The following LRRC4C variants were observed in gnomAD, a reference collection of about 807,000 sequenced individuals.
LRRC4C encodes leucine rich repeat containing 4C.
Under a neutral mutation model 33.6 loss-of-function variants are expected in LRRC4C, and 5 were observed. The observed-to-expected ratio is 0.15, with a 90% CI of 0.08 to 0.31. LRRC4C has a LOEUF of 0.31. Ranked by LOEUF, LRRC4C falls within the 10% of genes least tolerant of loss-of-function variation. The pLI, the probability that LRRC4C is intolerant of heterozygous loss-of-function variation, is 1.00. For synonymous variants in LRRC4C, 329 were observed against 302.0 expected (o/e 1.09, Z -0.93); for missense variants, 560 against 796.7 (o/e 0.70, Z 3.58).
At position 41,025,903 on chromosome 11, in the gene LRRC4C, T is replaced by C. The variant is rs1263878333; in HGVS notation, c.-495-92180A>G. The stretch of plus-strand genomic sequence containing the variant: ...ATCTGTTTACAGCATGGTTTATTGA[T>C]ATTTTCATCCAATTGTTGATATCTT... On this transcript the variant is annotated intron_variant, in intron 1 of 6. Transcript: ENST00000528697. Among the ~76,000 whole-genome samples the C allele has an allele frequency of 2.0e-5, 3 of 151,850 alleles. No individual in the cohort carries two copies. The East Asian group carries it at 5.8e-4, about 30-fold the overall frequency.
rs564536763 is a variant in LRRC4C at position 40,974,039 on chromosome 11, T to A, written c.-495-40316A>T. Among the ~76,000 whole-genome samples, 6 of 152,294 alleles carry A rather than the reference T, an allele frequency of 3.9e-5. No homozygotes were observed. The South Asian group carries it at 1.2e-3, about 32-fold the overall frequency. On this transcript the variant is annotated intron_variant, in intron 1 of 6. Coordinates refer to ENST00000528697, the MANE Select transcript of LRRC4C (RefSeq NM_001258419.2). ...AATTTGAACACCTGGGGAAATGCTT[T>A]ATTATACAACTGAGCTGCTATAAAT...
chr11:40,823,822 A>C (rs1293971483), intron 2 of LRRC4C, among the ~76,000 whole-genome samples: 1 of 151,768 alleles, frequency 6.6e-6, no homozygotes, highest in Non-Finnish European at 1.5e-5. Context: ...TAGAAACTCC[A>C]CTCTTAAAAT....
chr11:41,284,280 A>G (rs1005776667), intron 1 of LRRC4C, among the ~76,000 whole-genome samples: 1 of 152,258 alleles, frequency 6.6e-6, no homozygotes, highest in Admixed American at 6.5e-5. Context: ...CTATGGAAAC[A>G]CTTCTGTGAA....
chr11:41,027,937 T>G (rs1856487640), intron 1 of LRRC4C, among the ~76,000 whole-genome samples: 1 of 151,680 alleles, frequency 6.6e-6, no homozygotes, highest in Non-Finnish European at 1.5e-5. Context: ...AATTAAAGTA[T>G]TAATTAAAAC....
At chr11:40,123,947 G>GAACA (rs1362204993) in intron 6 of LRRC4C, among the ~76,000 whole-genome samples, 2 of 151,994 alleles carry the variant, frequency 1.3e-5, no homozygotes, top group South Asian at 2.1e-4. Flanking sequence ...CATCTACAGT[G>GAACA]AACTCATTTT....
chr11:40,670,543 C>T (rs570656918), intron 2 of LRRC4C, among the ~76,000 whole-genome samples: 3 of 152,164 alleles, frequency 2.0e-5, no homozygotes, highest in African/African-American at 7.2e-5. Flanking sequence ...TTTCCCATTT[C>T]CTGAAGGATA....
At chr11:41,343,892 A>G (rs540862929) in intron 1 of LRRC4C, among the ~76,000 whole-genome samples, 13 of 152,344 alleles carry the variant, frequency 8.5e-5, no homozygotes, top group African/African-American at 2.6e-4. Context: ...CTCTCTAATT[A>G]GCATATCATA....
intron 1 of LRRC4C, among the ~76,000 whole-genome samples, chr11:41,162,338 T>G (rs553586790): frequency 1.6e-4 from 25 of 152,298 alleles, no homozygotes; most frequent in African/African-American, 5.8e-4. Flanking sequence ...ACTTCTGCCT[T>G]ATTTCCGATG....
intron 3 of LRRC4C, among the ~76,000 whole-genome samples, chr11:40,363,168 A>G (rs1389504310): frequency 6.6e-6 from 1 of 152,202 alleles, no homozygotes; most frequent in African/African-American, 2.4e-5. Flanking sequence ...AATGCCCATC[A>G]AGGATGGACT....
intron 1 of LRRC4C, among the ~76,000 whole-genome samples, chr11:41,138,440 C>T (rs931165929): frequency 1.4e-4 from 21 of 152,134 alleles, no homozygotes; most frequent in African/African-American, 4.1e-4. Context: ...GATTCAATGA[C>T]ACCATTGACA....
intron 2 of LRRC4C, among the ~76,000 whole-genome samples, chr11:40,873,892 T>C (rs1954763437): frequency 6.6e-6 from 1 of 152,204 alleles, no homozygotes; most frequent in South Asian, 2.1e-4. Flanking sequence ...TCCAAAGCAA[T>C]ACATTTCCCA....
intron 1 of LRRC4C, among the ~76,000 whole-genome samples, chr11:41,175,648 T>C (rs932200559): frequency 6.6e-6 from 1 of 152,140 alleles, no homozygotes; most frequent in African/African-American, 2.4e-5. Flanking sequence ...AACCTTACTA[T>C]ATGCTGAAGA....
At chr11:40,896,540 A>T (rs553527128) in intron 2 of LRRC4C, among the ~76,000 whole-genome samples, 22 of 149,052 alleles carry the variant, frequency 1.5e-4, no homozygotes, top group Middle Eastern at 3.5e-3. Context: ...CAATTAGAAT[A>T]TTTTTTTTTT....
intron 4 of LRRC4C, among the ~76,000 whole-genome samples, chr11:40,256,769 T>A (rs1867241004): frequency 6.6e-6 from 1 of 152,152 alleles, no homozygotes; most frequent in Non-Finnish European, 1.5e-5. Context: ...ACAGCCAGAA[T>A]CTTACTTTAG....
intron 3 of LRRC4C, among the ~76,000 whole-genome samples, chr11:40,509,851 A>C (rs1311013543): frequency 6.6e-6 from 1 of 152,208 alleles, no homozygotes; most frequent in Non-Finnish European, 1.5e-5. Flanking sequence ...GTTGGCTAAA[A>C]ATACGTCACA....
chr11:40,793,238 A>C (rs1461683712), intron 2 of LRRC4C, among the ~76,000 whole-genome samples: 1 of 152,174 alleles, frequency 6.6e-6, no homozygotes, highest in Non-Finnish European at 1.5e-5. Flanking sequence ...TATTAAGAAA[A>C]TAATTTAATT....
At chr11:40,382,444 A>G (rs995055713) in intron 3 of LRRC4C, among the ~76,000 whole-genome samples, 1 of 151,700 alleles carries the variant, frequency 6.6e-6, no homozygotes, top group African/African-American at 2.4e-5. Context: ...AGATAAGTGT[A>G]TACTACCCTT....
At chr11:40,298,703 A>G (rs1565247424) in intron 4 of LRRC4C, among the ~76,000 whole-genome samples, 1 of 151,990 alleles carries the variant, frequency 6.6e-6, no homozygotes, top group Non-Finnish European at 1.5e-5. Context: ...GCTAATTTAT[A>G]AAGAAAATAG....
intron 1 of LRRC4C, among the ~76,000 whole-genome samples, chr11:41,016,883 T>C (rs1340098896): frequency 6.6e-6 from 1 of 152,206 alleles, no homozygotes; most frequent in Non-Finnish European, 1.5e-5. Context: ...TTAGGTGCCA[T>C]TTAATTAAAC....
Sources: allele counts gnomAD v4.1 joint callset (sites outside exome capture counted in the v4.1 genomes callset), GRCh38; gene constraint gnomAD v4.1.1; transcripts MANE v1.5; gene names NCBI Gene and HGNC (gene_info 2026-07-23, HGNC 2026-07-21).